The following DIP2C variants were observed in gnomAD, a reference collection of about 807,000 sequenced individuals.
DIP2C encodes the protein disco-interacting protein 2 homolog C.
A neutral mutation model predicts 192.4 loss-of-function variants in DIP2C; 33 were observed. The ratio of observed to expected loss-of-function variants is 0.17; its 90% confidence interval spans 0.13 to 0.23. DIP2C has a LOEUF of 0.23. Among genes scored for constraint, DIP2C ranks in the 10% least tolerant of loss-of-function variants. The pLI is 1.00. For missense variants in DIP2C, 1,537 were observed against 2,110.1 expected (o/e 0.73, Z 5.32); for synonymous variants, 979 against 864.1 (o/e 1.13, Z -2.33).
chr10:330,270 G>C (rs186519098), intron 29 of DIP2C, among the ~76,000 whole-genome samples: 63 of 152,198 alleles, frequency 4.1e-4, no homozygotes, highest in Admixed American at 3.3e-3. Flanking sequence ...TTACCAAACA[G>C]AAGAAATAGA....
chr10:442,211 G>T (rs74114802), intron 3 of DIP2C, among the ~76,000 whole-genome samples: 73 of 152,228 alleles, frequency 4.8e-4, no homozygotes, highest in African/African-American at 1.7e-3. Context: ...CTGAAGCTGT[G>T]AGAATGATCC....
chr10:291,663 C>T (rs896937346), intron 32 of DIP2C, among the ~76,000 whole-genome samples: 3 of 152,142 alleles, frequency 2.0e-5, no homozygotes, highest in African/African-American at 4.8e-5. Context: ...AGTTAAGACC[C>T]GGGTCAAAGT....
Position 274,401 on chromosome 10 carries a change from T to C in DIP2C, c.*2924A>G, listed in dbSNP as rs1954413590. 1 of 152,212 alleles carries C rather than the reference T, an allele frequency of 6.6e-6. No individual in the cohort carries two copies. The highest frequency in any genetic ancestry group is 1.5e-5 in the Non-Finnish European group (1 of 68,022). 9.4% of individuals were successfully genotyped at this position (152,212 alleles called of 1,614,324 possible). A position where few individuals can be genotyped will look rare whatever the true frequency, so the allele number is the denominator to read the frequency against. ...CATTTCCCTGTAGGAGTCACTTCCT[T>C]CCCGGGATTAAAGCTGTCCCAGACA... On this transcript the variant is annotated 3_prime_UTR_variant, in exon 37 of 37. Transcript: ENST00000280886.
intron 32 of DIP2C, among the ~76,000 whole-genome samples, chr10:302,004 T>C (rs1956075722): frequency 6.6e-6 from 1 of 152,066 alleles, no homozygotes; most frequent in South Asian, 2.1e-4. Flanking sequence ...CAAGTTCTAT[T>C]TAAGGAATTG....
chr10:612,743 G>A (rs562778998), intron 1 of DIP2C, among the ~76,000 whole-genome samples: 51 of 152,234 alleles, frequency 3.4e-4, no homozygotes, highest in African/African-American at 1.2e-3. Context: ...TACACAAAAA[G>A]GTCCTAATTT....
rs1357772793 is a variant in DIP2C, at chr10:363,652, A to G, written c.2478-341T>C. ...AGGGAGTCACACCCTTCACAGCTCG[A>G]GTTTGCACCCGTGAAGTTAACGGTC... On this transcript the variant is annotated intron_variant, in intron 20 of 36. Coordinates refer to ENST00000280886, the MANE Select transcript of DIP2C (RefSeq NM_014974.3). This position sits in a 1 kb window ranked among gnomAD's most constrained non-coding sequence, Gnocchi z 5.4. 4.6e-5 allele frequency among the ~76,000 whole-genome samples: 7 copies of G among 152,168 alleles called. No homozygotes were observed. Among genetic ancestry groups the G allele is most frequent in the Admixed American group, 2.0e-4 (3 of 15,278 alleles).
chr10:417,400 C>T (rs1013953327), intron 6 of DIP2C, among the ~76,000 whole-genome samples: 2 of 150,594 alleles, frequency 1.3e-5, no homozygotes, highest in African/African-American at 4.9e-5. Context: ...ACTAAAATGA[C>T]AAGAATAACA....
intron 3 of DIP2C, among the ~76,000 whole-genome samples, chr10:456,353 C>T (rs34587230): frequency 6.8e-4 from 68 of 100,158 alleles, no homozygotes; most frequent in African/African-American, 1.4e-3. Flanking sequence ...GAGGGGAGGC[C>T]GTGAGGAGTA....
At chr10:465,520 G>A (rs1304931712) in intron 3 of DIP2C, among the ~76,000 whole-genome samples, 2 of 152,068 alleles carry the variant, frequency 1.3e-5, no homozygotes, top group Admixed American at 1.3e-4. Context: ...TCAACATAGT[G>A]TTGGAAGTTC....
At chr10:536,395 G>T (rs181437592) in intron 1 of DIP2C, among the ~76,000 whole-genome samples, 1 of 152,300 alleles carries the variant, frequency 6.6e-6, no homozygotes, top group East Asian at 1.9e-4. Context: ...GGCTAGAGTT[G>T]TATCTATCTG....
At chr10:412,562 G>A (rs1490569021) in intron 8 of DIP2C, among the ~76,000 whole-genome samples, 2 of 152,162 alleles carry the variant, frequency 1.3e-5, no homozygotes, top group Non-Finnish European at 2.9e-5. Context: ...ACTCAATGAA[G>A]CCATAAAAGC....
At chr10:608,126 CCCCA>C (rs1564262124) in intron 1 of DIP2C, among the ~76,000 whole-genome samples, 4 of 120,152 alleles carry the variant, frequency 3.3e-5, no homozygotes, top group South Asian at 2.4e-4. Flanking sequence ...ACACACACAG[CCCCA>C]ACACACACAC....
At chr10:338,128 G>C (rs1368881912) in intron 29 of DIP2C, among the ~76,000 whole-genome samples, 1 of 152,220 alleles carries the variant, frequency 6.6e-6, no homozygotes, top group Admixed American at 6.5e-5. Flanking sequence ...TTTTTGTATA[G>C]TTGTATAATG....
At chr10:634,729 C>A (rs1479316129) in intron 1 of DIP2C, among the ~76,000 whole-genome samples, 2 of 147,896 alleles carry the variant, frequency 1.4e-5, no homozygotes, top group African/African-American at 5.0e-5. Flanking sequence ...CCAGCCTGGG[C>A]AAAAAGAACG....
At chr10:441,114 G>A (rs918597448) in intron 3 of DIP2C, 118 bp from the exon 4 acceptor site, 4 of 1,178,074 alleles carry the variant, frequency 3.4e-6, no homozygotes, top group Admixed American at 6.8e-5. Flanking sequence ...ACCAACAGAT[G>A]GGTGGGCGAG....
chr10:436,339 G>A (rs889367904), intron 4 of DIP2C, among the ~76,000 whole-genome samples: 5 of 152,246 alleles, frequency 3.3e-5, no homozygotes, highest in Non-Finnish European at 7.3e-5. Flanking sequence ...TGTTTTAGCA[G>A]GCAGCGCAGG....
At chr10:310,966 G>A (rs1173773464) in intron 31 of DIP2C, among the ~76,000 whole-genome samples, 1 of 151,956 alleles carries the variant, frequency 6.6e-6, no homozygotes, top group Non-Finnish European at 1.5e-5. Flanking sequence ...AATTCTTCAG[G>A]AGAGAATTCC....
intron 1 of DIP2C, among the ~76,000 whole-genome samples, chr10:650,608 G>A (rs961645754): frequency 3.3e-5 from 5 of 152,170 alleles, no homozygotes; most frequent in African/African-American, 9.7e-5. Flanking sequence ...GGGCTGCCAG[G>A]CAGCACCTTC....
intron 1 of DIP2C, among the ~76,000 whole-genome samples, chr10:595,016 G>A (rs1851621837): frequency 6.6e-6 from 1 of 152,210 alleles, no homozygotes; most frequent in Non-Finnish European, 1.5e-5. Flanking sequence ...TCTCAGATGT[G>A]TCCCAAGGTG....
Sources: allele counts gnomAD v4.1 joint callset (sites outside exome capture counted in the v4.1 genomes callset), GRCh38; gene constraint gnomAD v4.1.1; non-coding constraint Gnocchi (gnomAD v3.1); transcripts MANE v1.5; gene names NCBI Gene and HGNC (gene_info 2026-07-23, HGNC 2026-07-21).